The following CYB5A variants were observed in gnomAD, a reference collection of about 807,000 sequenced individuals.
CYB5A encodes the protein cytochrome b5 type A, also known as cytochrome b5.
A neutral mutation model predicts 16.2 loss-of-function variants in CYB5A; 10 were observed. The ratio of observed to expected loss-of-function variants is 0.62; its 90% CI spans 0.38 to 1.04. CYB5A has a LOEUF of 1.04. CYB5A is among the 50% of genes least tolerant of loss of function. The pLI is 0.01. For missense variants in CYB5A, 161 were observed against 165.9 expected (o/e 0.97, Z 0.16); for synonymous variants, 62 against 57.0 (o/e 1.09, Z -0.40).
intron 1 of CYB5A, among the ~76,000 whole-genome samples, chr18:74,286,503 T>A (rs945902640): frequency 6.6e-6 from 1 of 152,240 alleles, no homozygotes; most frequent in Non-Finnish European, 1.5e-5. Context: ...ATGCCTTCTC[T>A]ACATATTTTT....
chr18:74,278,943 C>T lies in CYB5A; in HGVS notation c.129+12804G>A, dbSNP rs376892773. On this transcript the variant is annotated intron_variant, in intron 1 of 4. Coordinates refer to ENST00000340533, the MANE Select transcript of CYB5A (RefSeq NM_148923.4). ...TAAAGCAGGTGTGCTAATTCTTCCT[C>T]TAATCTCTGAAGAGTACATAAGCCA... Among the ~76,000 whole-genome samples the T allele has an allele frequency of 7.9e-5, 12 of 152,338 alleles. No homozygotes were observed. The East Asian group carries it at 1.5e-3, about 20-fold the overall frequency.
At chr18:74,262,404 C>T (rs1247536830) in intron 2 of CYB5A, among the ~76,000 whole-genome samples, 5 of 146,362 alleles carry the variant, frequency 3.4e-5, no homozygotes, top group African/African-American at 1.0e-4. Flanking sequence ...TGCAGTGGGC[C>T]GAGATCGCGC....
intron 1 of CYB5A, among the ~76,000 whole-genome samples, chr18:74,267,366 A>G (rs965355311): frequency 3.9e-5 from 6 of 152,216 alleles, no homozygotes; most frequent in Non-Finnish European, 1.5e-5. Context: ...CAGATTGGTC[A>G]GGCTGGTCTT....
intron 1 of CYB5A, among the ~76,000 whole-genome samples, chr18:74,291,524 G>A (rs915985802): frequency 2.0e-5 from 3 of 148,948 alleles, no homozygotes; most frequent in African/African-American, 7.5e-5. Flanking sequence ...AGGTGTGAGC[G>A]CGCAGGTGTG....
At chr18:74,253,775 T>A (rs944100365) in intron 4 of CYB5A, 110 bp from the exon 5 acceptor site, 2 of 776,094 alleles carry the variant, frequency 2.6e-6, no homozygotes, top group African/African-American at 1.7e-5. Context: ...CTTAACTCTG[T>A]AATGAATTTT....
chr18:74,253,717 C>CA, intron 4 of CYB5A, 52 bp from the exon 5 acceptor site: 1 of 1,296,248 alleles, frequency 7.7e-7, no homozygotes, highest in Non-Finnish European at 1.1e-6. Context: ...CTGTGGTGGA[C>CA]TCAAAATCTT....
At chr18:74,256,779 A>G in intron 3 of CYB5A, 2 of 1,573,248 alleles carry the variant, frequency 1.3e-6, no homozygotes, top group Non-Finnish European at 1.7e-6. Flanking sequence ...CCGTGAAAAG[A>G]CAGACCCCTT....
chr18:74,279,208 G>A (rs1982994018), intron 1 of CYB5A, among the ~76,000 whole-genome samples: 4 of 152,210 alleles, frequency 2.6e-5, no homozygotes, highest in Admixed American at 1.3e-4. Context: ...CTCTAACTAC[G>A]ATCTATCTTA....
chr18:74,255,723 A>C lies in CYB5A; in HGVS notation c.323+18T>G. 6.2e-7 allele frequency: 1 copy of C among 1,609,836 alleles called. No homozygotes were observed. The highest frequency in any genetic ancestry group is 1.1e-5 in the South Asian group (1 of 90,980). Reference sequence around the variant, plus strand: ...GCCCTCCCACCCACTACTGCTTTAAAAGAAAGCTACCACATACCTGGAACT... The same window carrying C: ...GCCCTCCCACCCACTACTGCTTTAACAGAAAGCTACCACATACCTGGAACT... On this transcript the variant is annotated intron_variant, in intron 4 of 4. Coordinates refer to ENST00000340533, the MANE Select transcript of CYB5A (RefSeq NM_148923.4).
At position 74,253,575 on chromosome 18, in the gene CYB5A, A is replaced by T. The variant is rs2145032963; in HGVS notation, c.*9T>A. On this transcript the variant is annotated 3_prime_UTR_variant, in exon 5 of 5. Transcript: ENST00000340533. Reference sequence around the variant, plus strand: ...CAGGCTCTTCCTGCGCTGACTTCTGAGGAGGTGTTCAGTCCTCTGCCATGT... The same window carrying T: ...CAGGCTCTTCCTGCGCTGACTTCTGTGGAGGTGTTCAGTCCTCTGCCATGT... The T allele has an allele frequency of 1.2e-6, 2 of 1,601,358 alleles. No homozygotes were observed. The highest frequency in any genetic ancestry group is 3.4e-4 in the Middle Eastern group (2 of 5,914).
intron 1 of CYB5A, among the ~76,000 whole-genome samples, chr18:74,286,165 C>T (rs148466676): frequency 7.3e-4 from 111 of 152,352 alleles, no homozygotes; most frequent in African/African-American, 2.6e-3. Flanking sequence ...ACTGCTCAAG[C>T]TGGCCACCTT....
chr18:74,270,362 G>A (rs1377788482), intron 1 of CYB5A, among the ~76,000 whole-genome samples: 1 of 152,220 alleles, frequency 6.6e-6, no homozygotes, highest in South Asian at 2.1e-4. Context: ...CAATGTCGCA[G>A]TGAGCTATGA....
chr18:74,271,230 G>A (rs1209644480), intron 1 of CYB5A, among the ~76,000 whole-genome samples: 3 of 152,246 alleles, frequency 2.0e-5, no homozygotes, highest in Non-Finnish European at 4.4e-5. Context: ...CAATCTTGAA[G>A]AAGCATACAG....
At chr18:74,277,680 G>T (rs1982933452) in intron 1 of CYB5A, among the ~76,000 whole-genome samples, 1 of 152,194 alleles carries the variant, frequency 6.6e-6, no homozygotes, top group South Asian at 2.1e-4. Context: ...CAGAGAAAAG[G>T]CCCAGGAGGG....
At chr18:74,264,382 C>T (rs1009280215) in intron 1 of CYB5A, among the ~76,000 whole-genome samples, 18 of 152,098 alleles carry the variant, frequency 1.2e-4, no homozygotes, top group Admixed American at 9.8e-4. Context: ...TTATTCTCTA[C>T]CCAATCTATT....
intron 1 of CYB5A, among the ~76,000 whole-genome samples, chr18:74,284,356 A>G (rs1372401508): frequency 1.3e-5 from 2 of 152,172 alleles, no homozygotes; most frequent in African/African-American, 4.8e-5. Flanking sequence ...GCCAACGTCC[A>G]CTGCTATCAC....
chr18:74,265,280 T>G (rs1390765937), intron 1 of CYB5A, among the ~76,000 whole-genome samples: 1 of 152,112 alleles, frequency 6.6e-6, no homozygotes, highest in African/African-American at 2.4e-5. Context: ...AGAAAAAAAT[T>G]AAAATCACCC....
At chr18:74,268,501 A>G (rs1463736251) in intron 1 of CYB5A, among the ~76,000 whole-genome samples, 1 of 152,166 alleles carries the variant, frequency 6.6e-6, no homozygotes, top group Non-Finnish European at 1.5e-5. Flanking sequence ...AGGCCATGGT[A>G]AGGATCTAAG....
intron 1 of CYB5A, among the ~76,000 whole-genome samples, chr18:74,265,501 A>G (rs1220410972): frequency 3.9e-5 from 6 of 152,232 alleles, no homozygotes; most frequent in Non-Finnish European, 8.8e-5. Context: ...CTATGAACAT[A>G]TGTGTCTGGC....
Sources: allele counts gnomAD v4.1 joint callset (sites outside exome capture counted in the v4.1 genomes callset), GRCh38; gene constraint gnomAD v4.1.1; transcripts MANE v1.5; gene names NCBI Gene and HGNC (gene_info 2026-07-23, HGNC 2026-07-21).